The following LRP1B variants were observed in gnomAD, a reference collection of about 807,000 sequenced individuals.
The protein encoded by LRP1B is LDL receptor related protein 1B.
Under a neutral mutation model 556.6 loss-of-function variants are expected in LRP1B, and 217 were observed. That is an observed-to-expected ratio of 0.39 (90% CI 0.35 to 0.44). LRP1B has a LOEUF of 0.44. Among genes scored for constraint, LRP1B ranks in the 20% least tolerant of loss-of-function variants. The pLI is 1.00. For synonymous variants in LRP1B, 2,047 were observed against 1,865.8 expected (o/e 1.10, Z -2.50); for missense variants, 5,053 against 5,620.8 (o/e 0.90, Z 3.23).
chr2:141,498,964 G>C (rs957428596), intron 2 of LRP1B, among the ~76,000 whole-genome samples: 2 of 152,034 alleles, frequency 1.3e-5, no homozygotes, highest in Non-Finnish European at 2.9e-5. Flanking sequence ...TCAGAATAAG[G>C]TGGTCAGTAC....
chr2:140,405,097 TAAATA>T (rs914086528), intron 66 of LRP1B, among the ~76,000 whole-genome samples: 2 of 152,120 alleles, frequency 1.3e-5, no homozygotes, highest in Non-Finnish European at 2.9e-5. Context: ...ACAAATAAAT[TAAATA>T]ATCTGCTCCT....
At chr2:141,363,730 A>G (rs1179316879) in intron 3 of LRP1B, among the ~76,000 whole-genome samples, 1 of 152,102 alleles carries the variant, frequency 6.6e-6, no homozygotes, top group East Asian at 1.9e-4. Context: ...AAAATGTTGG[A>G]ATATACTTAA....
At chr2:141,817,942 T>A (rs956342483) in intron 1 of LRP1B, among the ~76,000 whole-genome samples, 1 of 152,118 alleles carries the variant, frequency 6.6e-6, no homozygotes, top group Non-Finnish European at 1.5e-5. Context: ...GGGACTCAGA[T>A]AATAAGGTTT....
At chr2:141,289,167 G>T (rs535256931) in intron 3 of LRP1B, among the ~76,000 whole-genome samples, 1 of 151,962 alleles carries the variant, frequency 6.6e-6, no homozygotes, top group Non-Finnish European at 1.5e-5. Flanking sequence ...GGTGGATCAC[G>T]AGGTCAGGAG....
chr2:141,293,390 C>G (rs1224320364), intron 3 of LRP1B, among the ~76,000 whole-genome samples: 1 of 152,160 alleles, frequency 6.6e-6, no homozygotes, highest in African/African-American at 2.4e-5. Context: ...CATTTGCCCT[C>G]TCTCAGAGTC....
chr2:141,359,757 C>T (rs945212216), intron 3 of LRP1B, among the ~76,000 whole-genome samples: 12 of 112,916 alleles, frequency 1.1e-4, no homozygotes, highest in Admixed American at 8.3e-4. Context: ...ATTCGGCCCC[C>T]GCGCCCCGCC....
chr2:140,966,416 T>G (rs1424808911), intron 18 of LRP1B, among the ~76,000 whole-genome samples: 1 of 152,170 alleles, frequency 6.6e-6, no homozygotes, highest in Non-Finnish European at 1.5e-5. Flanking sequence ...TCTTGTAAAT[T>G]TGTTTGAGTT....
At chr2:140,503,471 T>C (rs1277442704) in intron 53 of LRP1B, among the ~76,000 whole-genome samples, 7 of 152,090 alleles carry the variant, frequency 4.6e-5, no homozygotes, top group Admixed American at 3.9e-4. Flanking sequence ...CCAGAACATA[T>C]GGATAAACTG....
At chr2:141,188,634 A>T in intron 6 of LRP1B, 51 bp from the exon 7 acceptor site, 2 of 1,501,806 alleles carry the variant, frequency 1.3e-6, no homozygotes, top group Non-Finnish European at 1.8e-6. Context: ...ATCTAGCATC[A>T]TGATCCAAAA....
intron 43 of LRP1B, among the ~76,000 whole-genome samples, chr2:140,594,539 G>A (rs1170342009): frequency 1.3e-5 from 2 of 152,172 alleles, no homozygotes; most frequent in South Asian, 2.1e-4. Context: ...CTGCATTCGA[G>A]GGCACACAAG....
Position 140,470,602 on chromosome 2 carries a change from G to A in LRP1B, c.9625+4536C>T, listed in dbSNP as rs989653720. Among the ~76,000 whole-genome samples, 16 of 123,102 alleles carry A rather than the reference G, an allele frequency of 1.3e-4. No homozygotes were observed. The Admixed American group carries it at 1.3e-3, about 10-fold the overall frequency. 80.8% of individuals were successfully genotyped at this position (123,102 alleles called of 152,430 possible). A position where few individuals can be genotyped will look rare whatever the true frequency, so the allele number is the denominator to read the frequency against. Reference sequence around the variant, plus strand: ...GGAGTTTGCAGTGAGCCAAGATAGCGCCACTGCAGTCTGGCCTGGGTGAAA... The same window carrying A: ...GGAGTTTGCAGTGAGCCAAGATAGCACCACTGCAGTCTGGCCTGGGTGAAA... On this transcript the variant is annotated intron_variant, in intron 60 of 90. Coordinates refer to ENST00000389484, the MANE Select transcript of LRP1B (RefSeq NM_018557.3).
In LRP1B at chr2:141,568,582, G is replaced by A. The variant is rs1686418012; in HGVS notation, c.206-88049C>T. Among the ~76,000 whole-genome samples, 2 of 151,226 alleles carry A rather than the reference G, an allele frequency of 1.3e-5. 1 individual carries two copies. The highest frequency in any genetic ancestry group is 3.0e-5 in the Non-Finnish European group (2 of 67,472). On this transcript the variant is annotated intron_variant, in intron 2 of 90. Transcript: ENST00000389484. ...CATTGCTAACAAAATAAGCTTTTAA[G>A]TAGTTTCATCTACAGATCTTTGATA...
chr2:140,472,406 A>G (rs1687806775), intron 60 of LRP1B, among the ~76,000 whole-genome samples: 1 of 152,086 alleles, frequency 6.6e-6, no homozygotes, highest in Admixed American at 6.6e-5. Flanking sequence ...ATAACAGTAG[A>G]GTGATACAGA....
intron 3 of LRP1B, among the ~76,000 whole-genome samples, chr2:141,435,392 C>T (rs1467581267): frequency 6.6e-6 from 1 of 152,114 alleles, no homozygotes; most frequent in Non-Finnish European, 1.5e-5. Context: ...AAACTTTTGG[C>T]TGCTCTATTT....
intron 2 of LRP1B, among the ~76,000 whole-genome samples, chr2:141,573,485 G>A (rs1363117064): frequency 6.6e-6 from 1 of 151,998 alleles, no homozygotes; most frequent in Non-Finnish European, 1.5e-5. Context: ...GCTCACATCA[G>A]AAAGCTAGAA....
At chr2:140,263,991 A>G (rs1682070671) in intron 86 of LRP1B, among the ~76,000 whole-genome samples, 1 of 152,074 alleles carries the variant, frequency 6.6e-6, no homozygotes, top group Non-Finnish European at 1.5e-5. Context: ...CAACAAGTTT[A>G]TCTTCTTAAA....
chr2:140,563,295 T>C (rs1478377357), intron 43 of LRP1B, among the ~76,000 whole-genome samples: 1 of 152,190 alleles, frequency 6.6e-6, no homozygotes, highest in East Asian at 1.9e-4. Flanking sequence ...GTTGGAGAGA[T>C]ATTAGAGATT....
At chr2:141,581,008 A>G (rs1275571841) in intron 2 of LRP1B, among the ~76,000 whole-genome samples, 1 of 152,222 alleles carries the variant, frequency 6.6e-6, no homozygotes. Context: ...ATCTAAATGT[A>G]CCAGGTATCC....
intron 32 of LRP1B, among the ~76,000 whole-genome samples, chr2:140,784,587 C>G (rs1689829697): frequency 6.6e-6 from 1 of 151,326 alleles, no homozygotes; most frequent in Non-Finnish European, 1.5e-5. Context: ...ATTAAGTAAA[C>G]AGAAAAGAAA....
Sources: gnomAD v4.1 joint callset for allele counts (sites outside exome capture counted in the v4.1 genomes callset) on GRCh38, gnomAD v4.1.1 for gene constraint, MANE v1.5 for transcripts, NCBI Gene and HGNC (gene_info 2026-07-23, HGNC 2026-07-21) for gene names.